The following PAK5 variants were observed in gnomAD, a reference collection of about 807,000 sequenced individuals.
PAK5 encodes the protein p21 (RAC1) activated kinase 5.
PAK5 carries 16 observed loss-of-function variants against 65.9 expected under a neutral mutation model. The observed-to-expected ratio is 0.24, with a 90% CI of 0.16 to 0.37. PAK5 has a LOEUF of 0.37. Among genes scored for constraint, PAK5 ranks in the 10% least tolerant of loss-of-function variants. The probability of loss-of-function intolerance (pLI) is 1.00; values close to 1 mark genes in which losing one functional copy is unlikely to be tolerated. For synonymous variants in PAK5, 371 were observed against 354.9 expected (o/e 1.05, Z -0.51); for missense variants, 785 against 903.9 (o/e 0.87, Z 1.69).
intron 4 of PAK5, among the ~76,000 whole-genome samples, chr20:9,575,355 C>G (rs912663250): frequency 5.3e-5 from 8 of 152,102 alleles, no homozygotes. Flanking sequence ...ATGCCCAGTT[C>G]AAAGTAGGTA....
intron 7 of PAK5, among the ~76,000 whole-genome samples, chr20:9,545,107 T>C (rs2045324384): frequency 6.6e-6 from 1 of 152,160 alleles, no homozygotes; most frequent in African/African-American, 2.4e-5. Context: ...TGAACATCAA[T>C]GCAAGTGGAA....
chr20:9,619,212 T>A (rs969219315), intron 3 of PAK5, among the ~76,000 whole-genome samples: 5 of 152,146 alleles, frequency 3.3e-5, no homozygotes, highest in African/African-American at 1.2e-4. Flanking sequence ...TGTGAGCCAC[T>A]GTGCCTGGCC....
At chr20:9,777,556 A>C (rs2048899222) in intron 1 of PAK5, among the ~76,000 whole-genome samples, 1 of 152,212 alleles carries the variant, frequency 6.6e-6, no homozygotes, top group Admixed American at 6.5e-5. Context: ...TTTCCTTTAT[A>C]AATTACCCAG....
At chr20:9,715,467 C>A (rs1264588468) in intron 1 of PAK5, among the ~76,000 whole-genome samples, 1 of 152,154 alleles carries the variant, frequency 6.6e-6, no homozygotes, top group Non-Finnish European at 1.5e-5. Context: ...ACTAGTGCAA[C>A]CATTGTGGAA....
Position 9,802,492 on chromosome 20 carries a change from T to C in PAK5, c.-162+36270A>G, listed in dbSNP as rs555731580. Reference sequence around the variant, plus strand: ...ATCTTAAAGGGAACCCCAGAAATAATTACCATTGATTATCTGTTGGAGGCA... The same window carrying C: ...ATCTTAAAGGGAACCCCAGAAATAACTACCATTGATTATCTGTTGGAGGCA... On this transcript the variant is annotated intron_variant, in intron 1 of 9. Coordinates refer to ENST00000353224, the MANE Select transcript of PAK5 (RefSeq NM_177990.4). 3.3e-5 allele frequency among the ~76,000 whole-genome samples: 5 copies of C among 152,184 alleles called. No individual in the cohort carries two copies. In the East Asian group the frequency reaches 9.7e-4, roughly 30 times the overall value.
chr20:9,551,567 A>G (rs1273405475), intron 7 of PAK5, among the ~76,000 whole-genome samples: 1 of 152,178 alleles, frequency 6.6e-6, no homozygotes, highest in Non-Finnish European at 1.5e-5. Context: ...GGGCAGCTAC[A>G]GGTTTAAAGA....
intron 1 of PAK5, among the ~76,000 whole-genome samples, chr20:9,809,388 G>A (rs1262626359): frequency 6.9e-6 from 1 of 144,724 alleles, no homozygotes; most frequent in East Asian, 2.0e-4. Flanking sequence ...CGATTCTAGG[G>A]TTTGGGAATA....
At chr20:9,564,458 T>C (rs944621726) in intron 5 of PAK5, among the ~76,000 whole-genome samples, 2 of 152,172 alleles carry the variant, frequency 1.3e-5, no homozygotes, top group Non-Finnish European at 2.9e-5. Flanking sequence ...TATAACCACA[T>C]AAAATTCAAT....
chr20:9,686,109 T>C (rs1348490884), intron 2 of PAK5, among the ~76,000 whole-genome samples: 1 of 152,212 alleles, frequency 6.6e-6, no homozygotes, highest in East Asian at 1.9e-4. Flanking sequence ...AATTCTTCAG[T>C]AATAGAATCT....
chr20:9,552,838 C>T (rs993345422), intron 7 of PAK5, among the ~76,000 whole-genome samples: 1 of 151,822 alleles, frequency 6.6e-6, no homozygotes, highest in Non-Finnish European at 1.5e-5. Context: ...CCTCCTGCCT[C>T]AGCCTCCAGG....
At chr20:9,614,421 GA>G (rs1335414620) in intron 3 of PAK5, among the ~76,000 whole-genome samples, 4 of 152,176 alleles carry the variant, frequency 2.6e-5, no homozygotes, top group African/African-American at 9.7e-5. Context: ...GGAACAGATG[GA>G]AAGTTGGAAA....
chr20:9,546,099 G>A (rs1041023981), intron 7 of PAK5, among the ~76,000 whole-genome samples: 2 of 152,156 alleles, frequency 1.3e-5, no homozygotes, highest in African/African-American at 4.8e-5. Flanking sequence ...GGATTCAGCA[G>A]GGAGGTCTGA....
chr20:9,556,746 C>T lies in PAK5; in HGVS notation c.1743+862G>A, dbSNP rs116029725. Among the ~76,000 whole-genome samples the T allele has an allele frequency of 5.2e-3, 786 of 152,252 alleles. 6 individuals carry two copies. Among genetic ancestry groups the T allele is most frequent in the African/African-American group, 0.018 (755 of 41,558 alleles). ...GCACAGGTTGCAGTGATGTGAAATA[C>T]GGAAATCTGGGCCTAGAGGTTTGCC... On this transcript the variant is annotated intron_variant, in intron 7 of 9. Coordinates refer to ENST00000353224, the MANE Select transcript of PAK5 (RefSeq NM_177990.4).
intron 3 of PAK5, among the ~76,000 whole-genome samples, chr20:9,587,209 A>G (rs760480682): frequency 1.3e-5 from 2 of 152,186 alleles, no homozygotes; most frequent in African/African-American, 2.4e-5. Context: ...AGGAAGCTAC[A>G]AACAACACCT....
At position 9,703,939 on chromosome 20, in the gene PAK5, C is replaced by T. The variant is rs1375408982; in HGVS notation, c.-12+7347G>A. Among the ~76,000 whole-genome samples the T allele has an allele frequency of 2.6e-5, 4 of 152,140 alleles. No homozygotes were observed. In the East Asian group the frequency reaches 5.8e-4, roughly 22 times the overall value. On this transcript the variant is annotated intron_variant, in intron 2 of 9. Transcript: ENST00000353224. The stretch of plus-strand genomic sequence containing the variant: ...GACATGCAAGAATTATCTCATAAGG[C>T]ACCTGCTTCAGGTGAGATTCCTACA...
chr20:9,728,666 T>C (rs2048302054), intron 1 of PAK5, among the ~76,000 whole-genome samples: 1 of 152,126 alleles, frequency 6.6e-6, no homozygotes, highest in Non-Finnish European at 1.5e-5. Context: ...AGAAAGGATG[T>C]TAATGAGAAA....
chr20:9,561,452 A>T (rs547013276), intron 6 of PAK5, among the ~76,000 whole-genome samples: 1 of 152,252 alleles, frequency 6.6e-6, no homozygotes, highest in East Asian at 1.9e-4. Context: ...TCTACCAATT[A>T]AGATGATCTT....
chr20:9,634,251 G>T (rs1345429468), intron 3 of PAK5, among the ~76,000 whole-genome samples: 1 of 152,190 alleles, frequency 6.6e-6, no homozygotes, highest in African/African-American at 2.4e-5. Context: ...TGATTACAGA[G>T]CTGTCACTCT....
At chr20:9,617,185 A>G (rs918951584) in intron 3 of PAK5, among the ~76,000 whole-genome samples, 1 of 152,250 alleles carries the variant, frequency 6.6e-6, no homozygotes, top group Admixed American at 6.5e-5. Flanking sequence ...AACCCTGCCA[A>G]GTTAAAGCTT....
Sources: allele counts gnomAD v4.1 joint callset (sites outside exome capture counted in the v4.1 genomes callset), GRCh38; gene constraint gnomAD v4.1.1; transcripts MANE v1.5; gene names NCBI Gene and HGNC (gene_info 2026-07-23, HGNC 2026-07-21).